TACC2: variants seen among roughly 807,000 people sequenced by gnomAD.
TACC2 encodes transforming acidic coiled-coil-containing protein 2.
TACC2 carries 137 observed loss-of-function variants against 227.3 expected under a neutral mutation model. The observed-to-expected ratio is 0.60, with a 90% CI of 0.52 to 0.69. The LOEUF is 0.69. Among genes scored for constraint, TACC2 ranks in the 30% least tolerant of loss-of-function variants. TACC2 has a pLI of 0.00. For synonymous variants in TACC2, 1,523 were observed against 1,487.5 expected, an observed-to-expected ratio of 1.02 and a Z score of -0.55; for missense variants, 3,470 against 3,694.4, an observed-to-expected ratio of 0.94 and a Z score of 1.57.
intron 22 of TACC2, among the ~76,000 whole-genome samples, chr10:122,253,323 A>G (rs2096283980): frequency 6.6e-6 from 1 of 152,238 alleles, no homozygotes. Context: ...CCACACGTCC[A>G]TGATGGAGGG....
At position 122,248,820 on chromosome 10, in the gene TACC2, G is replaced by A. The variant is rs2096186745; in HGVS notation, c.8553+17G>A. On this transcript the variant is annotated intron_variant, in intron 20 of 22. Coordinates refer to ENST00000369005, the MANE Select transcript of TACC2 (RefSeq NM_206862.4). ...TTCCGCAAGGTAGGGCTGAGTTTGG[G>A]GGCCACGGAGGAGGAGGATCTGATT... The A allele has an allele frequency of 6.2e-7, 1 of 1,613,734 alleles. No homozygotes were observed. The highest frequency in any genetic ancestry group is 8.5e-7 in the Non-Finnish European group (1 of 1,179,906).
intron 6 of TACC2, among the ~76,000 whole-genome samples, chr10:122,139,128 T>G (rs1381342052): frequency 1.3e-5 from 2 of 152,242 alleles, no homozygotes; most frequent in Admixed American, 6.5e-5. Context: ...CACTTTTCCC[T>G]TGGTGAATAT....
rs2078625252 is a variant in TACC2 at position 122,075,143 on chromosome 10, C to T, written c.147-7504C>T. On this transcript the variant is annotated intron_variant, in intron 3 of 22. Transcript: ENST00000369005. Reference sequence around the variant, plus strand: ...CAACCCGCTCGGGTCCCTTTCCACGCTGTGGAAGCTTTTTTCTTTCGCTCT... The same window carrying T: ...CAACCCGCTCGGGTCCCTTTCCACGTTGTGGAAGCTTTTTTCTTTCGCTCT... Among the ~76,000 whole-genome samples the T allele has an allele frequency of 2.7e-5, 4 of 150,572 alleles. No individual in the cohort carries two copies. The Admixed American group carries it at 2.7e-4, about 10-fold the overall frequency.
chr10:122,133,444 C>A, intron 6 of TACC2, among the ~76,000 whole-genome samples: 1 of 152,160 alleles, frequency 6.6e-6, no homozygotes, highest in East Asian at 1.9e-4. Flanking sequence ...CATATATAGG[C>A]ACACATGGAC....
At chr10:122,176,113 CTCTCTATATATATA>C (rs1286188060) in intron 7 of TACC2, among the ~76,000 whole-genome samples, 24 of 54,824 alleles carry the variant, frequency 4.4e-4, no homozygotes, top group African/African-American at 2.3e-3. Flanking sequence ...CTCTCTCTCT[CTCTCTATATATATA>C]TATATATATA....
chr10:122,244,674 C>T (rs1168941293), intron 19 of TACC2, among the ~76,000 whole-genome samples: 1 of 152,124 alleles, frequency 6.6e-6, no homozygotes, highest in African/African-American at 2.4e-5. Context: ...CTCACGTAAC[C>T]AGCATCCCTT....
chr10:122,253,996 A>C lies in TACC2; in HGVS notation c.8787A>C (p.Lys2929Asn). ...ALERTLEQKN[K>N]EIEELTKICD... The stretch of plus-strand genomic sequence containing the variant: ...TTCCTTGTCTTCACTTGCAGAATAA[A>C]GAAATAGAAGAACTCACCAAGATTT... The change falls in exon 23 of 23, where the codon AAA becomes AAC. Residue 2929 changes from lysine to asparagine, a missense_variant. Transcript: ENST00000369005. The C allele has an allele frequency of 6.2e-7, 1 of 1,614,112 alleles. No homozygotes were observed. Among genetic ancestry groups the C allele is most frequent in the Non-Finnish European group, 8.5e-7 (1 of 1,179,932 alleles).
intron 7 of TACC2, among the ~76,000 whole-genome samples, chr10:122,190,981 A>AT (rs2094392178): frequency 6.6e-6 from 1 of 152,214 alleles, no homozygotes; most frequent in Non-Finnish European, 1.5e-5. Context: ...AAGGGCACAG[A>AT]TTTTAGAGAC....
Position 122,087,734 on chromosome 10 carries a change from G to A in TACC2, c.5234G>A (p.Ser1745Asn), listed in dbSNP as rs746787282. ...VVAGDLVLPG[S>N]CQDPACSDKA... ...GCAGGTGACTTGGTGCTGCCAGGAA[G>A]CTGTCAGGACCCAGCCTGCTCTGAC... The change falls in exon 4 of 23, where the codon AGC (serine) becomes AAC (asparagine). Residue 1745 changes from serine (S) to asparagine (N), a missense_variant. By Grantham distance (46) the Ser-to-Asn change is conservative (BLOSUM62 1). Transcript: ENST00000369005. 71 of 1,611,820 alleles carry A rather than the reference G, an allele frequency of 4.4e-5. No homozygotes were observed. The highest frequency in any genetic ancestry group is 5.9e-5 in the Non-Finnish European group (69 of 1,179,462).
Position 122,021,941 on chromosome 10 carries a change from C to T in TACC2, c.-41C>T. The T allele has an allele frequency of 1.2e-6, 2 of 1,611,194 alleles. No homozygotes were observed. Among genetic ancestry groups the T allele is most frequent in the Admixed American group, 1.7e-5 (1 of 59,994 alleles). On this transcript the variant is annotated 5_prime_UTR_variant, in exon 2 of 23. Transcript: ENST00000369005. ...ATACCCTTTTGTTTCTTCCAGTCACCTCTGACAAAATTCTGGGGACGCTGG... is the reference window on the plus strand; with the variant it reads ...ATACCCTTTTGTTTCTTCCAGTCACTTCTGACAAAATTCTGGGGACGCTGG...
At chr10:122,158,221 C>T (rs1239266368) in intron 7 of TACC2, among the ~76,000 whole-genome samples, 1 of 152,034 alleles carries the variant, frequency 6.6e-6, no homozygotes. Context: ...AACCCCATCT[C>T]TACTAAAAAA....
At position 122,083,794 on chromosome 10, in the gene TACC2, A is replaced by G. The variant is rs1346442184; in HGVS notation, c.1294A>G (p.Ile432Val). ...LASFPAAQIP[I>V]AVEEPGSSSR... ...TTCATTCCCAGCTGCTCAGATTCCTATTGCTGTAGAAGAACCTGGATCATC... is the reference window on the plus strand; with the variant it reads ...TTCATTCCCAGCTGCTCAGATTCCTGTTGCTGTAGAAGAACCTGGATCATC... Residue 432 changes from isoleucine to valine, a missense_variant, in exon 4 of 23, where the codon ATT (isoleucine) becomes GTT (valine). Coordinates refer to ENST00000369005, the MANE Select transcript of TACC2 (RefSeq NM_206862.4). The G allele has an allele frequency of 5.6e-6, 9 of 1,614,006 alleles. No homozygotes were observed. Among genetic ancestry groups the G allele is most frequent in the East Asian group, 2.2e-5 (1 of 44,884 alleles).
chr10:122,249,058 G>A lies in TACC2; in HGVS notation c.8562G>A (p.Glu2854=), dbSNP rs760029955. The change falls in exon 21 of 23, where the codon GAG becomes GAA. Residue 2854 remains glutamate, a synonymous_variant. Transcript: ENST00000369005. ...CTGCCCTGCTGTGTCAGAATGAAGAGGTGTTGAAGAGATGTGCGCAGGAGT... is the reference window on the plus strand; with the variant it reads ...CTGCCCTGCTGTGTCAGAATGAAGAAGTGTTGAAGAGATGTGCGCAGGAGT... ...EVLEGFRKNE[E]VLKRCAQEYL... The A allele has an allele frequency of 4.3e-6, 7 of 1,612,706 alleles. No homozygotes were observed. The highest frequency in any genetic ancestry group is 5.9e-6 in the Non-Finnish European group (7 of 1,179,692).
chr10:122,054,787 C>T (rs569103458), intron 3 of TACC2, among the ~76,000 whole-genome samples: 1 of 152,240 alleles, frequency 6.6e-6, no homozygotes, highest in East Asian at 1.9e-4. Flanking sequence ...GCTTAGGCTC[C>T]CAGGCAATGG....
At chr10:122,117,490 C>T (rs188968774) in intron 5 of TACC2, among the ~76,000 whole-genome samples, 4 of 152,184 alleles carry the variant, frequency 2.6e-5, no homozygotes, top group African/African-American at 9.6e-5. Flanking sequence ...CCACCGCACC[C>T]AGCTGCCACC....
At position 122,084,527 on chromosome 10, in the gene TACC2, G is replaced by T. The variant is rs1300479885; in HGVS notation, c.2027G>T (p.Gly676Val). The change falls in exon 4 of 23, where the codon GGA (glycine) becomes GTA (valine). Residue 676 changes from glycine (G) to valine (V), a missense_variant. Gly to Val is a moderately radical substitution (Grantham distance 109). Coordinates refer to ENST00000369005, the MANE Select transcript of TACC2 (RefSeq NM_206862.4). ...CCCGTCCTGCCCCCTGTGCCAGATG[G>T]AGCTGGTGAGCCCACTGTTCCCGAA... ...EDPVLPPVPD[G>V]AGEPTVPEGA... The T allele has an allele frequency of 6.2e-7, 1 of 1,613,624 alleles. No homozygotes were observed. Among genetic ancestry groups the T allele is most frequent in the Non-Finnish European group, 8.5e-7 (1 of 1,180,020 alleles).
At chr10:122,207,056 TG>T (rs779283038) in intron 8 of TACC2, among the ~76,000 whole-genome samples, 5 of 151,180 alleles carry the variant, frequency 3.3e-5, no homozygotes, top group Non-Finnish European at 5.9e-5. Context: ...CTCAACACTT[TG>T]GGAGGCTGAG....
intron 16 of TACC2, among the ~76,000 whole-genome samples, chr10:122,235,446 C>T (rs938215033): frequency 2.0e-5 from 3 of 152,064 alleles, no homozygotes; most frequent in African/African-American, 7.2e-5. Context: ...GTTACCCAGG[C>T]TGTTCTCAAG....
chr10:122,048,186 G>T (rs1392297215), intron 2 of TACC2, among the ~76,000 whole-genome samples: 1 of 152,170 alleles, frequency 6.6e-6, no homozygotes, highest in Non-Finnish European at 1.5e-5. Flanking sequence ...TAGGCTAGAG[G>T]TTGGTAGAGT....
Sources: gnomAD v4.1 joint callset for allele counts (sites outside exome capture counted in the v4.1 genomes callset) on GRCh38, gnomAD v4.1.1 for gene constraint, MANE v1.5 for transcripts, NCBI Gene and HGNC (gene_info 2026-07-23, HGNC 2026-07-21) for gene names.